Variants in AIG1 observed in about 807,000 individuals in gnomAD.
AIG1 encodes the protein androgen-induced gene 1 protein.
In AIG1, 23 loss-of-function variants were observed where a neutral mutation model predicts 31.4. The ratio of observed to expected loss-of-function variants is 0.73; its 90% CI spans 0.53 to 1.04. AIG1 has a LOEUF of 1.04. Among genes scored for constraint, AIG1 ranks in the 50% least tolerant of loss-of-function variants. AIG1 has a pLI of 0.00. For synonymous variants in AIG1, 100 were observed against 110.5 expected (o/e 0.90, Z 0.60); for missense variants, 274 against 295.0 (o/e 0.93, Z 0.52).
chr6:143,155,283 A>AC (rs2128552338), intron 2 of AIG1, among the ~76,000 whole-genome samples: 1 of 152,316 alleles, frequency 6.6e-6, no homozygotes, highest in South Asian at 2.1e-4. Flanking sequence ...CAGTTATTTC[A>AC]TGGTAACTGT....
chr6:143,173,835 T>C (rs1404736391), intron 3 of AIG1, among the ~76,000 whole-genome samples: 1 of 152,234 alleles, frequency 6.6e-6, no homozygotes, highest in Admixed American at 6.5e-5. Flanking sequence ...ATATTTCATG[T>C]ACTGATGAAT....
At chr6:143,140,332 A>T (rs1434580706) in intron 2 of AIG1, among the ~76,000 whole-genome samples, 3 of 151,432 alleles carry the variant, frequency 2.0e-5, no homozygotes, top group South Asian at 2.1e-4. Context: ...TTAACACAAA[A>T]TTTTTTTTTC....
chr6:143,184,208 T>G (rs1227693620), intron 3 of AIG1, among the ~76,000 whole-genome samples: 2 of 152,200 alleles, frequency 1.3e-5, no homozygotes, highest in Non-Finnish European at 2.9e-5. Flanking sequence ...TAGGAAAGAC[T>G]CTCAGAAGGA....
In AIG1 at chr6:143,328,237, C is replaced by T. The variant is rs943947053; in HGVS notation, c.516-5045C>T. Reference sequence around the variant, plus strand: ...AGACTGCTGTGGGTGAAAGTGAGTACAATGTACAGATATGGTGTCAGTGAA... The same window carrying T: ...AGACTGCTGTGGGTGAAAGTGAGTATAATGTACAGATATGGTGTCAGTGAA... On this transcript the variant is annotated intron_variant, in intron 4 of 5. Transcript: ENST00000357847. The surrounding 1 kb of genome is among the most constrained non-coding windows in gnomAD (Gnocchi z 4.0). 2.0e-5 allele frequency among the ~76,000 whole-genome samples: 3 copies of T among 152,132 alleles called. No homozygotes were observed. The highest frequency in any genetic ancestry group is 4.4e-5 in the Non-Finnish European group (3 of 68,036).
At chr6:143,336,574 C>T (rs1440394931) in intron 5 of AIG1, among the ~76,000 whole-genome samples, 1 of 152,170 alleles carries the variant, frequency 6.6e-6, no homozygotes, top group Non-Finnish European at 1.5e-5. Flanking sequence ...AAAACCACAT[C>T]CTGGGGGTTA....
At chr6:143,225,797 T>G (rs906864566) in intron 3 of AIG1, among the ~76,000 whole-genome samples, 4 of 152,242 alleles carry the variant, frequency 2.6e-5, no homozygotes, top group African/African-American at 9.6e-5. Context: ...CCAAACTGTA[T>G]GGGGCAACTT....
chr6:143,342,609 C>A, downstream of AIG1: 2 of 1,085,202 alleles, frequency 1.8e-6, no homozygotes, highest in East Asian at 2.4e-5. Flanking sequence ...TTTGGCAATA[C>A]GAATCACTGA....
chr6:143,281,914 G>A (rs1797363374), intron 3 of AIG1, among the ~76,000 whole-genome samples: 3 of 152,168 alleles, frequency 2.0e-5, no homozygotes, highest in African/African-American at 7.2e-5. Flanking sequence ...AGTTGCTCCT[G>A]TTTAGTGGTG....
intron 1 of AIG1, among the ~76,000 whole-genome samples, chr6:143,106,182 C>T (rs1404292585): frequency 2.0e-5 from 3 of 152,124 alleles, no homozygotes; most frequent in Non-Finnish European, 4.4e-5. Flanking sequence ...AATATGGAAA[C>T]AGGCATGCAC....
rs146218782 is a variant in AIG1, at chr6:143,336,374, A to G, written c.679+2929A>G. Among the ~76,000 whole-genome samples the G allele has an allele frequency of 3.0e-3, 459 of 152,340 alleles. 2 individuals are homozygous for G. Among genetic ancestry groups the G allele is most frequent in the African/African-American group, 0.011 (447 of 41,578 alleles). On this transcript the variant is annotated intron_variant, in intron 5 of 5. Transcript: ENST00000357847. Reference sequence around the variant, plus strand: ...CCGACCCTTTCCTTTCACCAAAAGTAACTGAGGCCCCAAAATCTTAAGTGA... The same window carrying G: ...CCGACCCTTTCCTTTCACCAAAAGTGACTGAGGCCCCAAAATCTTAAGTGA...
intron 1 of AIG1, among the ~76,000 whole-genome samples, chr6:143,081,160 G>T (rs905228233): frequency 6.6e-6 from 1 of 152,160 alleles, no homozygotes; most frequent in Admixed American, 6.5e-5. Flanking sequence ...AACAGAGCAG[G>T]CCATGCAAGG....
chr6:143,160,259 T>C (rs1786217206), intron 2 of AIG1, among the ~76,000 whole-genome samples: 1 of 152,234 alleles, frequency 6.6e-6, no homozygotes, highest in Non-Finnish European at 1.5e-5. Flanking sequence ...TAATTGGTCT[T>C]ACTCAATTCC....
chr6:143,269,655 C>T (rs1043439722), intron 3 of AIG1, among the ~76,000 whole-genome samples: 4 of 152,208 alleles, frequency 2.6e-5, no homozygotes, highest in Non-Finnish European at 4.4e-5. Context: ...AGGAAAACTA[C>T]AGCTCCACAA....
chr6:143,283,607 A>G (rs369791731), intron 3 of AIG1, among the ~76,000 whole-genome samples: 4 of 152,382 alleles, frequency 2.6e-5, no homozygotes, highest in Admixed American at 6.5e-5. Context: ...GTATATCCAT[A>G]TAATGGAGTT....
chr6:143,202,328 A>G lies in AIG1; in HGVS notation c.399+37145A>G, dbSNP rs373137762. 2.6e-5 allele frequency among the ~76,000 whole-genome samples: 4 copies of G among 152,238 alleles called. 1 individual carries two copies. Among genetic ancestry groups the G allele is most frequent in the African/African-American group, 9.6e-5 (4 of 41,542 alleles). ...TTTTTTACTTCATGTCCCTGAAGCT[A>G]AAATCCTCAGGGACAGCTAATCACA... On this transcript the variant is annotated intron_variant, in intron 3 of 5. Coordinates refer to ENST00000357847, the MANE Select transcript of AIG1 (RefSeq NM_016108.4).
chr6:143,293,891 G>A lies in AIG1; in HGVS notation c.515+9666G>A, dbSNP rs186441838. On this transcript the variant is annotated intron_variant, in intron 4 of 5. Coordinates refer to ENST00000357847, the MANE Select transcript of AIG1 (RefSeq NM_016108.4). The surrounding 1 kb of genome is among the most constrained non-coding windows in gnomAD (Gnocchi z 4.8). The stretch of plus-strand genomic sequence containing the variant: ...CTTGATGCTACTTGGCAATTTTCCT[G>A]TGGATTTCTCCAGCCATCTCTATCC... 3.0e-3 allele frequency among the ~76,000 whole-genome samples: 454 copies of A among 152,032 alleles called. 4 individuals carry two copies. The highest frequency in any genetic ancestry group is 0.01 in the African/African-American group (427 of 41,480).
intron 1 of AIG1, among the ~76,000 whole-genome samples, chr6:143,072,589 T>C (rs1327680633): frequency 6.6e-6 from 1 of 152,006 alleles, no homozygotes; most frequent in African/African-American, 2.4e-5. Context: ...TTTTTTTTTG[T>C]ATATGCCCCT....
chr6:143,200,290 T>G (rs1479374793), intron 3 of AIG1, among the ~76,000 whole-genome samples: 4 of 152,060 alleles, frequency 2.6e-5, no homozygotes, highest in Non-Finnish European at 5.9e-5. Flanking sequence ...TTTAAGCCAG[T>G]TTTATTGGAG....
At chr6:143,342,128 T>C, downstream of AIG1, 1 of 471,930 alleles carries the variant, frequency 2.1e-6, no homozygotes. Context: ...TTCTCCATGT[T>C]GGTCAGGCTG....
Sources: allele counts gnomAD v4.1 joint callset (sites outside exome capture counted in the v4.1 genomes callset), GRCh38; gene constraint gnomAD v4.1.1; non-coding constraint Gnocchi (gnomAD v3.1); transcripts MANE v1.5; gene names NCBI Gene and HGNC (gene_info 2026-07-23, HGNC 2026-07-21).